Variants in REC114 observed in about 807,000 individuals in gnomAD.
REC114 encodes the protein meiotic recombination protein REC114.
REC114 carries 27 observed loss-of-function variants against 31.3 expected under a neutral mutation model. The ratio of observed to expected loss-of-function variants is 0.86; its 90% CI spans 0.64 to 1.19. The LOEUF (loss-of-function observed/expected upper bound fraction) is 1.19, where lower values mean the gene tolerates loss of function less well. Among genes scored for constraint, REC114 ranks in the 50% most tolerant of loss-of-function variants. The pLI, the probability that REC114 is intolerant of heterozygous loss-of-function variation, is 0.00. For synonymous variants in REC114, 134 were observed against 127.7 expected (o/e 1.05, Z -0.33); for missense variants, 344 against 326.9 (o/e 1.05, Z -0.40).
chr15:73,449,801 C>T (rs777728384), intron 1 of REC114, among the ~76,000 whole-genome samples: 90 of 152,252 alleles, frequency 5.9e-4, no homozygotes, highest in African/African-American at 1.9e-3. Flanking sequence ...GCAGATCTTT[C>T]GGCAGAACCC....
intron 2 of REC114, among the ~76,000 whole-genome samples, chr15:73,515,230 C>T (rs1277146683): frequency 1.3e-5 from 2 of 152,122 alleles, no homozygotes; most frequent in African/African-American, 4.8e-5. Flanking sequence ...CATGCCTAGC[C>T]AGATTTCTTT....
intron 3 of REC114, among the ~76,000 whole-genome samples, chr15:73,546,650 A>G (rs1381204128): frequency 1.3e-5 from 2 of 152,128 alleles, no homozygotes; most frequent in Non-Finnish European, 2.9e-5. Flanking sequence ...TTTTTGATAA[A>G]GGTTACAAGA....
At chr15:73,551,296 G>C (rs1352654925) in intron 4 of REC114, 146 bp downstream of exon 4, 3 of 803,718 alleles carry the variant, frequency 3.7e-6, no homozygotes, top group African/African-American at 3.5e-5. Flanking sequence ...AATTGAGGTC[G>C]ATACTCATTG....
At chr15:73,514,523 T>A (rs1220789259) in intron 2 of REC114, among the ~76,000 whole-genome samples, 1 of 152,158 alleles carries the variant, frequency 6.6e-6, no homozygotes, top group Non-Finnish European at 1.5e-5. Flanking sequence ...CAAATCTGTC[T>A]TAAGATAATT....
At chr15:73,537,835 G>A (rs1894179032) in intron 2 of REC114, among the ~76,000 whole-genome samples, 1 of 152,128 alleles carries the variant, frequency 6.6e-6, no homozygotes, top group Admixed American at 6.6e-5. Flanking sequence ...TGCACTGTTC[G>A]CCTTCACTCC....
At chr15:73,500,505 G>A (rs1320086362) in intron 2 of REC114, among the ~76,000 whole-genome samples, 1 of 152,204 alleles carries the variant, frequency 6.6e-6, no homozygotes, top group East Asian at 1.9e-4. Flanking sequence ...TTGGCAGCAG[G>A]TGAGATGGAG....
intron 2 of REC114, among the ~76,000 whole-genome samples, chr15:73,497,540 T>A (rs1245863252): frequency 6.6e-6 from 1 of 152,192 alleles, no homozygotes; most frequent in Non-Finnish European, 1.5e-5. Context: ...TACTCTAACT[T>A]CCTATGTGCC....
intron 2 of REC114, among the ~76,000 whole-genome samples, chr15:73,514,450 G>A (rs1042078966): frequency 4.6e-5 from 7 of 151,902 alleles, no homozygotes; most frequent in South Asian, 2.1e-4. Context: ...GTTCCTATTC[G>A]GCCATCTTGG....
At chr15:73,544,355 C>T (rs1894280925) in intron 3 of REC114, among the ~76,000 whole-genome samples, 3 of 152,094 alleles carry the variant, frequency 2.0e-5, no homozygotes, top group Admixed American at 6.6e-5. Context: ...TTTTAGTTTT[C>T]AAGTATTATG....
chr15:73,482,406 C>G (rs935136880), intron 2 of REC114, among the ~76,000 whole-genome samples: 2 of 152,174 alleles, frequency 1.3e-5, no homozygotes, highest in African/African-American at 4.8e-5. Flanking sequence ...GCCTCTTCCC[C>G]CTTTGCCTTC....
chr15:73,548,349 C>T (rs1894339572), intron 3 of REC114, among the ~76,000 whole-genome samples: 1 of 152,208 alleles, frequency 6.6e-6, no homozygotes, highest in Non-Finnish European at 1.5e-5. Context: ...CCTTGTGATC[C>T]TCCTGCCTTG....
chr15:73,491,593 C>T lies in REC114; in HGVS notation c.249+17672C>T, dbSNP rs759084860. ...AGTAACTTCAAAAGAAACTTCTGTA[C>T]AGTTTTTCAAAGTGATTGTATCAGC... On this transcript the variant is annotated intron_variant, in intron 2 of 5. Transcript: ENST00000331090. 1.8e-4 allele frequency among the ~76,000 whole-genome samples: 28 copies of T among 152,110 alleles called. 1 individual carries two copies. The highest frequency in any genetic ancestry group is 3.7e-4 in the Non-Finnish European group (25 of 68,016).
At chr15:73,528,898 A>T (rs560878513) in intron 2 of REC114, among the ~76,000 whole-genome samples, 1 of 152,262 alleles carries the variant, frequency 6.6e-6, no homozygotes, top group South Asian at 2.1e-4. Flanking sequence ...TCCAAGAAAA[A>T]GGATGAAAGG....
At chr15:73,470,028 G>A (rs1250386111) in intron 1 of REC114, among the ~76,000 whole-genome samples, 1 of 152,004 alleles carries the variant, frequency 6.6e-6, no homozygotes, top group African/African-American at 2.4e-5. Flanking sequence ...TATTTAAAGT[G>A]CATTTCTTGT....
intron 2 of REC114, among the ~76,000 whole-genome samples, chr15:73,489,951 G>A (rs1297642372): frequency 6.6e-6 from 1 of 152,136 alleles, no homozygotes; most frequent in Admixed American, 6.5e-5. Flanking sequence ...TTGCTTAATT[G>A]TAAATGTGGA....
At chr15:73,559,637 A>G (rs533354247) in intron 5 of REC114, 115 bp from the exon 6 acceptor site, 1 of 909,978 alleles carries the variant, frequency 1.1e-6, no homozygotes. Context: ...ATTAACACTA[A>G]TTTTTTTGGT....
intron 2 of REC114, among the ~76,000 whole-genome samples, chr15:73,480,302 G>A (rs1335939669): frequency 2.0e-5 from 3 of 150,822 alleles, no homozygotes; most frequent in Admixed American, 6.6e-5. Context: ...ATGGAGTTTC[G>A]TTCTGTCACC....
chr15:73,473,769 G>A, intron 1 of REC114, 63 bp from the exon 2 acceptor site: 1 of 914,944 alleles, frequency 1.1e-6, no homozygotes, highest in Non-Finnish European at 1.7e-6. Flanking sequence ...CATCAGTATT[G>A]TAAGTTTATC....
chr15:73,449,000 A>T lies in REC114; in HGVS notation c.159+5656A>T, dbSNP rs369075819. On this transcript the variant is annotated intron_variant, in intron 1 of 5. Transcript: ENST00000331090. Reference sequence around the variant, plus strand: ...GAGACCCCACCCAAAGGTCACCAACATCAAAGACCGAAGATAGATAAATCC... The same window carrying T: ...GAGACCCCACCCAAAGGTCACCAACTTCAAAGACCGAAGATAGATAAATCC... Among the ~76,000 whole-genome samples the T allele has an allele frequency of 4.0e-4, 61 of 152,330 alleles. 1 individual carries two copies. The South Asian group carries it at 0.012, about 30-fold the overall frequency.
Sources: gnomAD v4.1 joint callset for allele counts (sites outside exome capture counted in the v4.1 genomes callset) on GRCh38, gnomAD v4.1.1 for gene constraint, MANE v1.5 for transcripts, NCBI Gene and HGNC (gene_info 2026-07-23, HGNC 2026-07-21) for gene names.